The following CPPED1 variants were observed in gnomAD, a reference collection of about 807,000 sequenced individuals.
CPPED1 encodes the protein serine/threonine-protein phosphatase CPPED1.
Under a neutral mutation model 28.0 loss-of-function variants are expected in CPPED1, and 28 were observed. The ratio of observed to expected loss-of-function variants is 1.00; its 90% CI spans 0.74 to 1.37. The LOEUF is 1.37. Ranked by LOEUF, CPPED1 falls within the 40% of genes most tolerant of loss-of-function variation. CPPED1 has a pLI of 0.00. For synonymous variants in CPPED1, 198 were observed against 180.2 expected (o/e 1.10, Z -0.79); for missense variants, 504 against 416.5 (o/e 1.21, Z -1.83).
rs564026148 is a variant in CPPED1, at chr16:12,782,204, G to C, written c.71-801C>G. The stretch of plus-strand genomic sequence containing the variant: ...GAACTGCCGCGCCAGTGCCTGCTTG[G>C]GCAGAGCTGGAATGGCCATTAATGG... On this transcript the variant is annotated intron_variant, in intron 1 of 3. Coordinates refer to ENST00000381774, the MANE Select transcript of CPPED1 (RefSeq NM_018340.3). 2.6e-5 allele frequency among the ~76,000 whole-genome samples: 4 copies of C among 152,258 alleles called. No homozygotes were observed. The East Asian group carries it at 7.7e-4, about 29-fold the overall frequency.
At chr16:12,729,733 C>A (rs1360004274) in intron 2 of CPPED1, among the ~76,000 whole-genome samples, 1 of 152,170 alleles carries the variant, frequency 6.6e-6, no homozygotes, top group African/African-American at 2.4e-5. Context: ...ATTGAAAACA[C>A]ATTCAGCTTT....
chr16:12,735,118 C>T (rs1032853572), intron 2 of CPPED1, among the ~76,000 whole-genome samples: 18 of 152,288 alleles, frequency 1.2e-4, no homozygotes, highest in African/African-American at 3.8e-4. Flanking sequence ...CCCAAGTGCA[C>T]GGATGTCCAG....
At chr16:12,710,062 C>G (rs1054854552) in intron 2 of CPPED1, among the ~76,000 whole-genome samples, 7 of 152,106 alleles carry the variant, frequency 4.6e-5, no homozygotes, top group Admixed American at 4.6e-4. Context: ...AGAAAGAAAT[C>G]AGTCAATTCT....
chr16:12,756,254 A>T (rs1356064469), intron 2 of CPPED1, among the ~76,000 whole-genome samples: 2 of 152,216 alleles, frequency 1.3e-5, no homozygotes, highest in African/African-American at 2.4e-5. Flanking sequence ...CTGTGGATGT[A>T]GTCAGTTATC....
At chr16:12,694,781 C>T (rs2079981347) in intron 3 of CPPED1, among the ~76,000 whole-genome samples, 1 of 151,242 alleles carries the variant, frequency 6.6e-6, no homozygotes, top group Non-Finnish European at 1.5e-5. Flanking sequence ...AAAAACCCCC[C>T]CCTTTTTTTT....
chr16:12,696,640 A>T (rs1030143984), intron 3 of CPPED1, among the ~76,000 whole-genome samples: 2 of 151,548 alleles, frequency 1.3e-5, no homozygotes, highest in Non-Finnish European at 2.9e-5. Flanking sequence ...ATGGGGTTTC[A>T]CCATGTTGGC....
At chr16:12,764,662 T>G (rs1488912241) in intron 2 of CPPED1, among the ~76,000 whole-genome samples, 1 of 152,188 alleles carries the variant, frequency 6.6e-6, no homozygotes, top group African/African-American at 2.4e-5. Flanking sequence ...TAATAAACCA[T>G]GAGCCTGGTG....
intron 2 of CPPED1, among the ~76,000 whole-genome samples, chr16:12,751,282 G>A (rs1262285397): frequency 6.6e-6 from 1 of 152,098 alleles, no homozygotes; most frequent in Non-Finnish European, 1.5e-5. Context: ...GTGTTCTTAA[G>A]GAAATTAACA....
intron 2 of CPPED1, among the ~76,000 whole-genome samples, chr16:12,726,257 G>C (rs2080169259): frequency 6.6e-6 from 1 of 151,192 alleles, no homozygotes; most frequent in East Asian, 2.0e-4. Flanking sequence ...GGCCAAGCTG[G>C]TCTTGAACTC....
At chr16:12,703,062 A>G (rs1474009801) in intron 3 of CPPED1, among the ~76,000 whole-genome samples, 1 of 152,030 alleles carries the variant, frequency 6.6e-6, no homozygotes, top group Non-Finnish European at 1.5e-5. Context: ...AATCACTTCA[A>G]TGGCATTAAA....
intron 3 of CPPED1, among the ~76,000 whole-genome samples, chr16:12,668,621 A>C (rs2079838340): frequency 6.6e-6 from 1 of 152,234 alleles, no homozygotes; most frequent in Non-Finnish European, 1.5e-5. Context: ...AGAAAACATA[A>C]AGAGCTTTTA....
chr16:12,767,296 A>G (rs1045063253), intron 2 of CPPED1, among the ~76,000 whole-genome samples: 1 of 152,136 alleles, frequency 6.6e-6, no homozygotes, highest in Non-Finnish European at 1.5e-5. Flanking sequence ...CTCAAACAGG[A>G]GGCAAATTCA....
In CPPED1 at chr16:12,705,040, C is replaced by G; in HGVS notation, c.299G>C (p.Trp100Ser). The G allele has an allele frequency of 6.2e-7, 1 of 1,606,956 alleles. No homozygotes were observed. The highest frequency in any genetic ancestry group is 8.5e-7 in the Non-Finnish European group (1 of 1,174,768). The change falls in exon 3 of 4, where the codon TGG becomes TCG. Residue 100 changes from tryptophan (W) to serine (S), a missense_variant. Trp to Ser is a radical substitution (Grantham distance 177, BLOSUM62 -3). Transcript: ENST00000381774. ...CAGGTCCTCCGTCTGCTCCGTCCGC[C>G]ACGGCTTCCCTGGAAGAGTGAGGGT... ...DLIHAMPGKP[W>S]RTEQTEDLKR...
At chr16:12,780,916 T>C in intron 2 of CPPED1, 1 of 448,770 alleles carries the variant, frequency 2.2e-6, no homozygotes, top group South Asian at 2.8e-5. Flanking sequence ...AGAAAGGTGA[T>C]GTGTGGGAAT....
At chr16:12,724,231 C>A (rs796270259) in intron 2 of CPPED1, among the ~76,000 whole-genome samples, 11 of 152,302 alleles carry the variant, frequency 7.2e-5, no homozygotes, top group Admixed American at 2.0e-4. Context: ...CGTCCCCGAA[C>A]TCACAGACTC....
intron 2 of CPPED1, among the ~76,000 whole-genome samples, chr16:12,740,204 T>G (rs1287558524): frequency 1.3e-5 from 2 of 152,106 alleles, no homozygotes; most frequent in Non-Finnish European, 2.9e-5. Context: ...CCCAGCATTT[T>G]GGGAGGCTGA....
chr16:12,771,169 C>T (rs934373877), intron 2 of CPPED1, among the ~76,000 whole-genome samples: 8 of 152,162 alleles, frequency 5.3e-5, no homozygotes, highest in South Asian at 2.1e-4. Flanking sequence ...AATATATCTA[C>T]ATGTATCTAT....
chr16:12,707,925 C>A (rs1030761394), intron 2 of CPPED1, among the ~76,000 whole-genome samples: 18 of 152,240 alleles, frequency 1.2e-4, no homozygotes, highest in African/African-American at 4.3e-4. Flanking sequence ...GGCGGGCAGA[C>A]AACTTGAGGT....
chr16:12,790,157 C>A (rs1191927638), intron 1 of CPPED1, among the ~76,000 whole-genome samples: 4 of 152,188 alleles, frequency 2.6e-5, no homozygotes, highest in Admixed American at 1.3e-4. Flanking sequence ...TTAATCTTTC[C>A]TATGAGCCTC....
Sources: gnomAD v4.1 joint callset for allele counts (sites outside exome capture counted in the v4.1 genomes callset) on GRCh38, gnomAD v4.1.1 for gene constraint, MANE v1.5 for transcripts, NCBI Gene and HGNC (gene_info 2026-07-23, HGNC 2026-07-21) for gene names.